GPHN: variants seen among roughly 807,000 people sequenced by gnomAD.
GPHN encodes the protein gephyrin.
Under a neutral mutation model 95.5 loss-of-function variants are expected in GPHN, and 17 were observed. That is an observed-to-expected ratio of 0.18 (90% CI 0.12 to 0.27). The LOEUF (loss-of-function observed/expected upper bound fraction) is 0.27. Among genes scored for constraint, GPHN ranks in the 10% least tolerant of loss-of-function variants. GPHN has a pLI of 1.00. For synonymous variants in GPHN, 320 were observed against 322.5 expected (o/e 0.99, Z 0.08); for missense variants, 660 against 978.1 (o/e 0.67, Z 4.34).
At chr14:67,576,157 A>G in the GPHN span, among the ~76,000 whole-genome samples, 3 of 152,190 alleles carry the variant, frequency 2.0e-5, no homozygotes, top group Non-Finnish European at 4.4e-5. This position sits in a 1 kb window ranked among gnomAD's most constrained non-coding sequence, Gnocchi z 4.0. Flanking sequence ...ATTCCTTTAT[A>G]CTGAATTTAT....
At chr14:67,340,493 A>G in the GPHN span, 1 of 1,613,238 alleles carries the variant, frequency 6.2e-7, no homozygotes, top group Admixed American at 1.7e-5. Context: ...TATAAGCAAG[A>G]GTACGTTCAA....
chr14:67,591,251 C>T, the GPHN span, among the ~76,000 whole-genome samples: 106 of 152,102 alleles, frequency 7.0e-4, no homozygotes, highest in Admixed American at 1.3e-3. Context: ...ACATATTAAG[C>T]TAAAAAAGCT....
At chr14:66,975,678 A>G (rs898587643) in intron 9 of GPHN, among the ~76,000 whole-genome samples, 2 of 151,896 alleles carry the variant, frequency 1.3e-5, no homozygotes, top group Non-Finnish European at 2.9e-5. Context: ...CCAGGAGTTC[A>G]GGACCAGCCT....
intron 12 of GPHN, among the ~76,000 whole-genome samples, chr14:67,091,839 T>C (rs1023796551): frequency 5.3e-5 from 8 of 151,922 alleles, no homozygotes; most frequent in Non-Finnish European, 1.0e-4. Context: ...TGAGAGGTTT[T>C]TTTTTTTGTT....
At chr14:66,643,223 C>T (rs1272605798) in intron 1 of GPHN, among the ~76,000 whole-genome samples, 1 of 151,940 alleles carries the variant, frequency 6.6e-6, no homozygotes, top group African/African-American at 2.4e-5. Context: ...ACACACCCAC[C>T]AGAGTGGCTA....
At chr14:67,445,557 C>T in the GPHN span, among the ~76,000 whole-genome samples, 2 of 132,648 alleles carry the variant, frequency 1.5e-5, no homozygotes, top group Non-Finnish European at 3.3e-5. Context: ...CAGCCTCAAC[C>T]TGGTTTAAGA....
the GPHN span, among the ~76,000 whole-genome samples, chr14:67,622,491 AG>A: frequency 6.6e-6 from 1 of 152,196 alleles, no homozygotes; most frequent in Non-Finnish European, 1.5e-5. Context: ...TTCTTTACTA[AG>A]GCCTCTCTTA....
At chr14:67,573,842 C>T in the GPHN span, 2 of 1,613,714 alleles carry the variant, frequency 1.2e-6, no homozygotes, top group Admixed American at 1.7e-5. This position sits in a 1 kb window ranked among gnomAD's most constrained non-coding sequence, Gnocchi z 4.8. Flanking sequence ...TGGATCTGAA[C>T]TCCCGCTGCC....
the GPHN span, among the ~76,000 whole-genome samples, chr14:67,475,103 C>T: frequency 2.6e-5 from 4 of 151,982 alleles, no homozygotes; most frequent in Admixed American, 2.0e-4. Flanking sequence ...TTAGTAGAGA[C>T]GAGGTTTCAC....
At chr14:67,537,664 CAAAAG>C in the GPHN span, among the ~76,000 whole-genome samples, 1 of 151,992 alleles carries the variant, frequency 6.6e-6, no homozygotes, top group Admixed American at 6.6e-5. Flanking sequence ...GACCCTGTCT[CAAAAG>C]AAAAAGAAAA....
At chr14:67,106,332 A>G (rs868047372) in intron 13 of GPHN, among the ~76,000 whole-genome samples, 5 of 152,168 alleles carry the variant, frequency 3.3e-5, no homozygotes, top group African/African-American at 7.2e-5. Context: ...GGACCTGGAT[A>G]TCCATACCTT....
intron 2 of GPHN, among the ~76,000 whole-genome samples, chr14:66,757,670 G>C (rs1332521467): frequency 6.6e-6 from 1 of 152,176 alleles, no homozygotes; most frequent in Admixed American, 6.5e-5. Flanking sequence ...GATTACAGGC[G>C]TGAGCCACCA....
chr14:66,562,677 G>A (rs991454031), intron 1 of GPHN, among the ~76,000 whole-genome samples: 6 of 152,152 alleles, frequency 3.9e-5, no homozygotes, highest in African/African-American at 7.2e-5. Context: ...ACAGCAAATT[G>A]TAGGATAATA....
At chr14:67,712,175 C>T in the GPHN span, among the ~76,000 whole-genome samples, 10 of 152,146 alleles carry the variant, frequency 6.6e-5, no homozygotes, top group African/African-American at 1.9e-4. Flanking sequence ...ACACCTTGAC[C>T]TCCCAAAGTG....
intron 21 of GPHN, among the ~76,000 whole-genome samples, chr14:67,172,284 G>A (rs1463422703): frequency 6.6e-6 from 1 of 152,122 alleles, no homozygotes; most frequent in Non-Finnish European, 1.5e-5. Flanking sequence ...CAGAGCTAAA[G>A]CCATATACGG....
At chr14:67,110,740 A>C (rs562676651) in intron 14 of GPHN, among the ~76,000 whole-genome samples, 37 of 152,338 alleles carry the variant, frequency 2.4e-4, no homozygotes, top group African/African-American at 8.7e-4. Context: ...CAAGTTCTTG[A>C]ATATTACACT....
In GPHN at chr14:66,670,073, G is replaced by A. The variant is rs150283219; in HGVS notation, c.65-11034G>A. 4.6e-5 allele frequency among the ~76,000 whole-genome samples: 7 copies of A among 152,268 alleles called. No homozygotes were observed. The East Asian group carries it at 9.6e-4, about 21-fold the overall frequency. ...GTCTTTATTTAAATTATCTGGTGTA[G>A]CTGTCTCATTCTGACACTTCATCTG... On this transcript the variant is annotated intron_variant, in intron 1 of 22. Transcript: ENST00000478722.
At chr14:66,549,040 C>G (rs1377853383) in intron 1 of GPHN, among the ~76,000 whole-genome samples, 4 of 151,890 alleles carry the variant, frequency 2.6e-5, no homozygotes, top group Non-Finnish European at 5.9e-5. Flanking sequence ...TACTATATCT[C>G]TAAGGATAAT....
chr14:67,200,887 G>T, the GPHN span, among the ~76,000 whole-genome samples: 2 of 152,156 alleles, frequency 1.3e-5, no homozygotes. Context: ...GTCAGACGTT[G>T]CCCCCATCGT....
Sources: allele counts gnomAD v4.1 joint callset (sites outside exome capture counted in the v4.1 genomes callset), GRCh38; gene constraint gnomAD v4.1.1; non-coding constraint Gnocchi (gnomAD v3.1); transcripts MANE v1.5; gene names NCBI Gene and HGNC (gene_info 2026-07-23, HGNC 2026-07-21).